Variants in RASSF4 observed in about 807,000 individuals in gnomAD.
RASSF4 encodes ras association domain-containing protein 4.
Under a neutral mutation model 41.1 loss-of-function variants are expected in RASSF4, and 38 were observed. The observed-to-expected ratio is 0.92, with a 90% CI of 0.71 to 1.21. The LOEUF is 1.21. Ranked by LOEUF, RASSF4 falls within the 50% of genes most tolerant of loss-of-function variation. The pLI is 0.00. For synonymous variants in RASSF4, 179 were observed against 163.4 expected, an observed-to-expected ratio of 1.10 and a Z score of -0.73; for missense variants, 414 against 419.4, an observed-to-expected ratio of 0.99 and a Z score of 0.11.
intron 3 of RASSF4, among the ~76,000 whole-genome samples, chr10:44,980,607 TC>T (rs758538837): frequency 6.6e-6 from 1 of 152,168 alleles, no homozygotes; most frequent in Non-Finnish European, 1.5e-5. Flanking sequence ...TTCCTCCCTG[TC>T]CCCCTTCACT....
In RASSF4 at chr10:44,991,913, G is replaced by A. The variant is rs1184937665; in HGVS notation, c.816G>A (p.Gln272=). The A allele has an allele frequency of 4.3e-6, 7 of 1,610,156 alleles. No individual in the cohort carries two copies. Among genetic ancestry groups the A allele is most frequent in the Non-Finnish European group, 4.2e-6 (5 of 1,176,598 alleles). Residue 272 remains glutamine (Q), a synonymous_variant, in exon 10 of 11, where the codon CAG becomes CAA. Transcript: ENST00000340258. ...LGVEVPHEVA[Q]YIKFEMPVLD... is the part of the protein sequence containing the mutation. ...GTTCTTGGATTTTCTAGGTCGCTCA[G>A]TACATTAAGTTTGAAATGCCGGTGC...
At chr10:44,989,218 G>C in intron 6 of RASSF4, 56 bp from the exon 7 acceptor site, 1 of 1,117,202 alleles carries the variant, frequency 9.0e-7, no homozygotes, top group African/African-American at 1.5e-5. Flanking sequence ...CCGTTGTGAT[G>C]TCAGTCCCTT....
chr10:44,981,991 C>T, intron 3 of RASSF4: 1 of 166,140 alleles, frequency 6.0e-6, no homozygotes, highest in Non-Finnish European at 1.3e-5. Context: ...CCTTTGTCAG[C>T]CCTGGCAAGT....
At chr10:44,975,212 C>CG (rs550389563) in intron 3 of RASSF4, among the ~76,000 whole-genome samples, 2,060 of 152,264 alleles carry the variant, frequency 0.014, 14 homozygotes, top group Non-Finnish European at 0.019. Flanking sequence ...TCCCCTGGTC[C>CG]GGGGGCTCCG....
Position 44,984,940 on chromosome 10 carries a change from C to A in RASSF4, c.501C>A (p.Phe167Leu). 1 of 1,613,104 alleles carries A rather than the reference C, an allele frequency of 6.2e-7. No homozygotes were observed. Among genetic ancestry groups the A allele is most frequent in the Non-Finnish European group, 8.5e-7 (1 of 1,180,012 alleles). ...GEAQRIRRHR[F>L]SINGHFYNHK... The stretch of plus-strand genomic sequence containing the variant: ...CCCAGCGCATCCGGCGACACCGGTT[C>A]TCTATCAACGGCCACTTCTACAATC... Residue 167 changes from phenylalanine (F) to leucine (L), a missense_variant, in exon 6 of 11, where the codon TTC becomes TTA. Physicochemically the swap from Phe to Leu is conservative, Grantham distance 22. Transcript: ENST00000340258.
In RASSF4 at chr10:44,993,473, G is replaced by A; in HGVS notation, c.*144G>A. ...GTGTGTCTACCTCTCTGAAGCCTGA[G>A]CACCATGATTCCCACAGCCAGCTCT... On this transcript the variant is annotated 3_prime_UTR_variant, in exon 11 of 11. Coordinates refer to ENST00000340258, the MANE Select transcript of RASSF4 (RefSeq NM_032023.4). 1.5e-6 allele frequency: 1 copy of A among 654,690 alleles called. No individual in the cohort carries two copies. The highest frequency in any genetic ancestry group is 2.7e-6 in the Non-Finnish European group (1 of 373,886). 40.6% of individuals were successfully genotyped at this position (654,690 alleles called of 1,614,324 possible).
intron 6 of RASSF4, among the ~76,000 whole-genome samples, chr10:44,985,889 A>G (rs1841904105): frequency 1.3e-5 from 2 of 152,226 alleles, no homozygotes. Context: ...TGCCTTTGCT[A>G]AATCTGGAAA....
chr10:44,989,123 G>T, intron 6 of RASSF4, 151 bp from the exon 7 acceptor site: 1 of 580,344 alleles, frequency 1.7e-6, no homozygotes, highest in East Asian at 2.9e-5. Flanking sequence ...CCCAGGTCTG[G>T]GAACAGCTTA....
intron 3 of RASSF4, chr10:44,977,851 C>T (rs1272442004): frequency 1.2e-6 from 2 of 1,609,598 alleles, no homozygotes; most frequent in South Asian, 1.1e-5. Flanking sequence ...TGGGTTGGCC[C>T]TGGGCCGTGG....
At chr10:44,988,344 C>A (rs997986611) in intron 6 of RASSF4, among the ~76,000 whole-genome samples, 1 of 152,182 alleles carries the variant, frequency 6.6e-6, no homozygotes, top group Non-Finnish European at 1.5e-5. Flanking sequence ...GTTCAATACA[C>A]AGCTAGGGTT....
chr10:44,970,813 G>A (rs954841048), intron 2 of RASSF4: 2 of 154,354 alleles, frequency 1.3e-5, no homozygotes, highest in Admixed American at 6.4e-5. Context: ...GGCGAACGGG[G>A]AGCAGGCACT....
chr10:44,970,550 T>C, intron 2 of RASSF4: 1 of 381,830 alleles, frequency 2.6e-6, no homozygotes, highest in South Asian at 7.8e-5. Context: ...TTACATTGAT[T>C]GCATGTTGAC....
chr10:44,982,348 G>A (rs2132791782), intron 3 of RASSF4, 173 bp from the exon 4 acceptor site: 1 of 775,376 alleles, frequency 1.3e-6, no homozygotes, highest in South Asian at 1.5e-5. Flanking sequence ...CTCCCACAGG[G>A]CCTGGTCACA....
intron 1 of RASSF4, among the ~76,000 whole-genome samples, chr10:44,964,122 G>A (rs1037987880): frequency 6.6e-6 from 1 of 152,258 alleles, no homozygotes; most frequent in Non-Finnish European, 1.5e-5. Context: ...TAAAGCCCTC[G>A]GCGGCCTTTG....
intron 3 of RASSF4, among the ~76,000 whole-genome samples, chr10:44,980,442 G>A (rs1388585967): frequency 1.3e-5 from 2 of 152,194 alleles, no homozygotes; most frequent in African/African-American, 2.4e-5. Flanking sequence ...GGCCAAGCTG[G>A]GGGAGGGTGA....
Position 44,990,929 on chromosome 10 carries a change from A to G in RASSF4, c.686-19A>G. 1 of 1,607,630 alleles carries G rather than the reference A, an allele frequency of 6.2e-7. No homozygotes were observed. The highest frequency in any genetic ancestry group is 8.5e-7 in the Non-Finnish European group (1 of 1,174,940). On this transcript the variant is annotated intron_variant, in intron 8 of 10. Coordinates refer to ENST00000340258, the MANE Select transcript of RASSF4 (RefSeq NM_032023.4). ...GATCCTAATCTCCCGTGATTTTTGT[A>G]AACCACCTTCTTTTTCAGAGCGGAC... is the stretch of plus-strand genomic sequence containing the variant.
At chr10:44,960,516 T>C (rs1199791937) in intron 1 of RASSF4, among the ~76,000 whole-genome samples, 1 of 152,196 alleles carries the variant, frequency 6.6e-6, no homozygotes, top group Non-Finnish European at 1.5e-5. Flanking sequence ...TCTCCGAAGG[T>C]CAGCCTGCCT....
At chr10:44,973,313 T>C (rs1165755392) in intron 3 of RASSF4, among the ~76,000 whole-genome samples, 1 of 152,060 alleles carries the variant, frequency 6.6e-6, no homozygotes, top group Non-Finnish European at 1.5e-5. Context: ...AGAGTTGGGG[T>C]GAGTCCTCGG....
At position 44,994,198 on chromosome 10, in the gene RASSF4, A is replaced by G. The variant is rs770543831; in HGVS notation, c.*869A>G. On this transcript the variant is annotated 3_prime_UTR_variant, in exon 11 of 11. Coordinates refer to ENST00000340258, the MANE Select transcript of RASSF4 (RefSeq NM_032023.4). ...TGGGGATGACTTTCAATGACTTTCA[A>G]TACTTCCCCTGAAGGAAGAATGATA... The G allele has an allele frequency of 3.3e-5, 5 of 152,318 alleles. No individual in the cohort carries two copies. The highest frequency in any genetic ancestry group is 7.3e-5 in the Non-Finnish European group (5 of 68,034). 9.4% of individuals were successfully genotyped at this position (152,318 alleles called of 1,614,324 possible).
Sources: allele counts gnomAD v4.1 joint callset (sites outside exome capture counted in the v4.1 genomes callset), GRCh38; gene constraint gnomAD v4.1.1; transcripts MANE v1.5; gene names NCBI Gene and HGNC (gene_info 2026-07-23, HGNC 2026-07-21).